The following KITLG variants were observed in gnomAD, a reference collection of about 807,000 sequenced individuals.
KITLG encodes KIT ligand.
A neutral mutation model predicts 34.1 loss-of-function variants in KITLG; 13 were observed. The ratio of observed to expected loss-of-function variants is 0.38; its 90% CI spans 0.25 to 0.61. The LOEUF (loss-of-function observed/expected upper bound fraction) is 0.61. KITLG is among the 20% of genes least tolerant of loss of function. KITLG has a pLI of 0.60. For missense variants in KITLG, 292 were observed against 318.9 expected, an observed-to-expected ratio of 0.92 and a Z score of 0.64; for synonymous variants, 110 against 104.0, an observed-to-expected ratio of 1.06 and a Z score of -0.35.
intron 3 of KITLG, among the ~76,000 whole-genome samples, chr12:88,524,159 G>A (rs929281934): frequency 4.6e-5 from 7 of 152,112 alleles, no homozygotes; most frequent in African/African-American, 1.7e-4. Flanking sequence ...AATTCTAATC[G>A]ATGCTGGCCA....
At chr12:88,504,888 C>A (rs1868994836) in intron 9 of KITLG, among the ~76,000 whole-genome samples, 1 of 147,618 alleles carries the variant, frequency 6.8e-6, no homozygotes, top group Admixed American at 7.0e-5. Context: ...CCAAACACTG[C>A]GTGTTCTCAC....
At chr12:88,525,875 G>A (rs996662052) in intron 3 of KITLG, among the ~76,000 whole-genome samples, 1 of 152,198 alleles carries the variant, frequency 6.6e-6, no homozygotes, top group African/African-American at 2.4e-5. Context: ...AATGTGGGCT[G>A]AAAGAGCAGA....
At chr12:88,541,881 C>CA (rs1191743194) in intron 2 of KITLG, among the ~76,000 whole-genome samples, 1 of 152,032 alleles carries the variant, frequency 6.6e-6, no homozygotes, top group Non-Finnish European at 1.5e-5. Flanking sequence ...TCACTTCAAG[C>CA]AAAAAAACTT....
At position 88,506,349 on chromosome 12, in the gene KITLG, A is replaced by G. The variant is rs758355283; in HGVS notation, c.744T>C (p.Val248=). The G allele has an allele frequency of 4.5e-5, 72 of 1,610,648 alleles. 1 individual carries two copies. In the South Asian group the frequency reaches 7.8e-4, roughly 17 times the overall value. The change falls in exon 8 of 10, where the codon GTT becomes GTC. Residue 248 remains valine, a synonymous_variant. Transcript: ENST00000644744. ...KKRQPSLTRA[V]ENIQINEEDN... is the part of the protein sequence containing the mutation. ...CCTCTTCATTAATTTGTATATTTTC[A>G]ACTGCCCTTGTAAGACTTGGCTGTC...
chr12:88,495,282 A>G lies in KITLG; in HGVS notation c.*1937T>C, dbSNP rs1054217872. On this transcript the variant is annotated 3_prime_UTR_variant, in exon 10 of 10. Transcript: ENST00000644744. ...AATAAATCAAACTACTAGATTGAGA[A>G]GTATCTATCTTCTCAATCTATACAC... The G allele has an allele frequency of 7.2e-5, 11 of 152,076 alleles. No individual in the cohort carries two copies. Among genetic ancestry groups the G allele is most frequent in the Admixed American group, 4.6e-4 (7 of 15,242 alleles). The allele number at this position is 152,076 out of a possible 1,614,324, so 9.4% of individuals were successfully genotyped here.
At chr12:88,531,572 G>T (rs148313215) in intron 3 of KITLG, among the ~76,000 whole-genome samples, 4 of 152,106 alleles carry the variant, frequency 2.6e-5, no homozygotes, top group Non-Finnish European at 4.4e-5. Context: ...CAGCAACAGA[G>T]TAGTACTTAT....
At chr12:88,546,929 C>T (rs1042134219) in intron 1 of KITLG, among the ~76,000 whole-genome samples, 1 of 152,068 alleles carries the variant, frequency 6.6e-6, no homozygotes, top group African/African-American at 2.4e-5. Context: ...GGGGGAGAAC[C>T]AGTTGCAGGA....
chr12:88,504,864 G>T (rs11104909), intron 9 of KITLG, among the ~76,000 whole-genome samples: 11,889 of 151,200 alleles, frequency 0.079, 508 homozygotes, highest in Non-Finnish European at 0.1. Flanking sequence ...GCAAACTATC[G>T]CAAGGACAGA....
rs1868626987 is a variant in KITLG, at chr12:88,496,002, A to G, written c.*1217T>C. ...GCCAAATTCACTCTTAATATGACAA[A>G]CACTGTCACACATTTTAAATAGCAA... On this transcript the variant is annotated 3_prime_UTR_variant, in exon 10 of 10. Transcript: ENST00000644744. 6.6e-6 allele frequency: 1 copy of G among 152,150 alleles called. No individual in the cohort carries two copies. The highest frequency in any genetic ancestry group is 1.5e-5 in the Non-Finnish European group (1 of 68,026). 9.4% of individuals were successfully genotyped at this position (152,150 alleles called of 1,614,324 possible). A position where few individuals can be genotyped will look rare whatever the true frequency, so the allele number is the denominator to read the frequency against.
intron 1 of KITLG, among the ~76,000 whole-genome samples, chr12:88,573,599 G>C (rs73439060): frequency 5.6e-4 from 85 of 152,262 alleles, no homozygotes; most frequent in African/African-American, 2.0e-3. Context: ...GTGAAAAAGA[G>C]GGAAAAGTTC....
At chr12:88,576,285 T>A (rs1025426503) in intron 1 of KITLG, among the ~76,000 whole-genome samples, 1 of 152,232 alleles carries the variant, frequency 6.6e-6, no homozygotes, top group East Asian at 1.9e-4. Context: ...TTGATGTGTC[T>A]TAATTATAGT....
intron 1 of KITLG, among the ~76,000 whole-genome samples, chr12:88,576,385 C>T (rs1419041507): frequency 6.6e-6 from 1 of 152,092 alleles, no homozygotes; most frequent in East Asian, 1.9e-4. Flanking sequence ...GTTCATTAGG[C>T]ATAATTTACC....
At chr12:88,571,038 A>T (rs1456558140) in intron 1 of KITLG, among the ~76,000 whole-genome samples, 1 of 152,204 alleles carries the variant, frequency 6.6e-6, no homozygotes. Flanking sequence ...GGTGTTTATG[A>T]GTGTCAAATA....
intron 6 of KITLG, among the ~76,000 whole-genome samples, chr12:88,512,495 AT>A (rs1317539679): frequency 2.6e-5 from 4 of 151,994 alleles, no homozygotes; most frequent in Non-Finnish European, 4.4e-5. Flanking sequence ...ATTTATGACT[AT>A]TTTTTCCCCA....
chr12:88,576,763 A>T (rs1278056261), intron 1 of KITLG, among the ~76,000 whole-genome samples: 1 of 152,156 alleles, frequency 6.6e-6, no homozygotes, highest in African/African-American at 2.4e-5. Context: ...TCTCAGATAT[A>T]AAGCGAAGGC....
At chr12:88,559,866 G>C (rs751820393) in intron 1 of KITLG, among the ~76,000 whole-genome samples, 1 of 152,174 alleles carries the variant, frequency 6.6e-6, no homozygotes. Context: ...CAGATTCATT[G>C]ACATGCCTGA....
intron 3 of KITLG, among the ~76,000 whole-genome samples, chr12:88,525,828 C>T (rs1869843659): frequency 6.6e-6 from 1 of 152,102 alleles, no homozygotes; most frequent in South Asian, 2.1e-4. Context: ...ACACTCAGCA[C>T]AGAGTAGCAC....
chr12:88,508,671 T>C (rs1869159629), intron 6 of KITLG, among the ~76,000 whole-genome samples: 1 of 151,908 alleles, frequency 6.6e-6, no homozygotes, highest in Non-Finnish European at 1.5e-5. Flanking sequence ...TCCATTCACA[T>C]AACCATGAAT....
At chr12:88,522,480 T>G (rs1335159630) in intron 3 of KITLG, among the ~76,000 whole-genome samples, 1 of 144,648 alleles carries the variant, frequency 6.9e-6, no homozygotes, top group Non-Finnish European at 1.5e-5. Flanking sequence ...CACGCTGGAG[T>G]GCAATGGCGT....
Sources: allele counts gnomAD v4.1 joint callset (sites outside exome capture counted in the v4.1 genomes callset), GRCh38; gene constraint gnomAD v4.1.1; transcripts MANE v1.5; gene names NCBI Gene and HGNC (gene_info 2026-07-23, HGNC 2026-07-21).